The following CCDC66 variants were observed in gnomAD, a reference collection of about 807,000 sequenced individuals.
CCDC66 encodes coiled-coil domain-containing protein 66.
A neutral mutation model predicts 128.3 loss-of-function variants in CCDC66; 133 were observed. The observed-to-expected ratio is 1.04, with a 90% CI of 0.90 to 1.20. The LOEUF is 1.20. CCDC66 is among the 50% of genes most tolerant of loss of function. The probability of loss-of-function intolerance (pLI) is 0.00; values close to 1 mark genes in which losing one functional copy is unlikely to be tolerated. For missense variants in CCDC66, 1,126 were observed against 1,075.5 expected (o/e 1.05, Z -0.66); for synonymous variants, 387 against 357.0 (o/e 1.08, Z -0.95).
chr3:56,579,432 T>G (rs2067949972), intron 7 of CCDC66, among the ~76,000 whole-genome samples: 1 of 151,840 alleles, frequency 6.6e-6, no homozygotes. Flanking sequence ...TGATCTTAGT[T>G]ATTTCTTGCC....
At chr3:56,580,295 G>C (rs1478831134) in intron 7 of CCDC66, among the ~76,000 whole-genome samples, 1 of 151,564 alleles carries the variant, frequency 6.6e-6, no homozygotes, top group Non-Finnish European at 1.5e-5. Context: ...TTTTGAGCCT[G>C]TGTGTGTCTC....
In CCDC66 at chr3:56,563,724, CA is replaced by C; in HGVS notation, c.148del (p.Thr50LeufsTer5). Reference protein sequence around the residue: ...KAKIAKCPLRTKTGHILKSTQ... With the variant: ...KAKIAKCPLRXKTGHILKSTQ... ...AAGATTGCAAAATGTCCTTTAAGAA[CA>C]AAAACTGGGCACATTCTAAAATCAA... On this transcript the variant is annotated frameshift_variant, in exon 4 of 18. Transcript: ENST00000394672. LOFTEE classifies it high-confidence loss of function. The C allele has an allele frequency of 6.4e-7, 1 of 1,550,978 alleles. No individual in the cohort carries two copies. The highest frequency in any genetic ancestry group is 8.7e-7 in the Non-Finnish European group (1 of 1,146,768).
At chr3:56,618,468 A>G (rs2075829251) in intron 15 of CCDC66, 1 of 400,052 alleles carries the variant, frequency 2.5e-6, no homozygotes. Context: ...AGTGATTTTG[A>G]TATTCCAGGT....
At chr3:56,580,432 G>A (rs2068150197) in intron 7 of CCDC66, among the ~76,000 whole-genome samples, 1 of 151,824 alleles carries the variant, frequency 6.6e-6, no homozygotes, top group South Asian at 2.1e-4. Context: ...ATTGTTCTGT[G>A]TGAATTTGAT....
intron 7 of CCDC66, among the ~76,000 whole-genome samples, chr3:56,581,599 G>A (rs1297103229): frequency 6.6e-6 from 1 of 151,718 alleles, no homozygotes; most frequent in Non-Finnish European, 1.5e-5. Flanking sequence ...TTTTGGTGTG[G>A]ATGTCCTTTC....
chr3:56,592,922 T>C (rs752243518), intron 7 of CCDC66, 48 bp from the exon 8 acceptor site: 3 of 1,586,850 alleles, frequency 1.9e-6, no homozygotes, highest in South Asian at 1.2e-5. Context: ...ATTAAGTGAT[T>C]AGAAAAAGAG....
chr3:56,609,596 C>T (rs1242758454), intron 10 of CCDC66, among the ~76,000 whole-genome samples: 1 of 152,176 alleles, frequency 6.6e-6, no homozygotes, highest in East Asian at 1.9e-4. Flanking sequence ...ATGTGAGGTA[C>T]TGTTGCATTC....
At position 56,579,763 on chromosome 3, in the gene CCDC66, A is replaced by G. The variant is rs1364587283; in HGVS notation, c.936+8461A>G. Among the ~76,000 whole-genome samples, 4 of 151,934 alleles carry G rather than the reference A, an allele frequency of 2.6e-5. No individual in the cohort carries two copies. The East Asian group carries it at 7.9e-4, about 30-fold the overall frequency. ...CTGAGTTCTAGTTTGATTGCACTGTAGTCTGAGAGATAGTTTGTTAAAATT... is the reference window on the plus strand; with the variant it reads ...CTGAGTTCTAGTTTGATTGCACTGTGGTCTGAGAGATAGTTTGTTAAAATT... On this transcript the variant is annotated intron_variant, in intron 7 of 17. Coordinates refer to ENST00000394672, the MANE Select transcript of CCDC66 (RefSeq NM_001141947.3).
intron 11 of CCDC66, among the ~76,000 whole-genome samples, chr3:56,614,765 C>T (rs1347068154): frequency 6.6e-6 from 1 of 152,144 alleles, no homozygotes; most frequent in Non-Finnish European, 1.5e-5. Flanking sequence ...GCCAGTTACC[C>T]CTAGGTAACA....
rs747535238 is a variant in CCDC66, at chr3:56,593,550, T to C, written c.1128T>C (p.Ser376=). The C allele has an allele frequency of 6.2e-7, 1 of 1,614,150 alleles. No homozygotes were observed. Among genetic ancestry groups the C allele is most frequent in the Non-Finnish European group, 8.5e-7 (1 of 1,179,998 alleles). Residue 376 remains serine, a synonymous_variant, in exon 9 of 18, where the codon TCT becomes TCC. Transcript: ENST00000394672. The part of the protein sequence containing the change: ...HFDSLKSYPG[S]QSQLFSQSTH... ...ATTCATTAAAGAGTTATCCTGGTTC[T>C]CAATCTCAGCTGTTCTCTCAGTCAA...
intron 7 of CCDC66, among the ~76,000 whole-genome samples, chr3:56,577,190 T>C (rs965907983): frequency 1.3e-5 from 2 of 151,952 alleles, no homozygotes; most frequent in Non-Finnish European, 2.9e-5. Flanking sequence ...AGCATTTTTT[T>C]CATGTGTCTG....
intron 7 of CCDC66, among the ~76,000 whole-genome samples, chr3:56,581,305 G>A (rs2068326553): frequency 6.6e-6 from 1 of 151,724 alleles, no homozygotes; most frequent in African/African-American, 2.4e-5. Flanking sequence ...TTAGCCATTT[G>A]TCTAATCTTT....
At chr3:56,568,205 T>A (rs1286971339) in intron 6 of CCDC66, among the ~76,000 whole-genome samples, 1 of 152,186 alleles carries the variant, frequency 6.6e-6, no homozygotes, top group Non-Finnish European at 1.5e-5. Flanking sequence ...GCAAGGCTAC[T>A]TCTGTTTGTA....
intron 10 of CCDC66, among the ~76,000 whole-genome samples, chr3:56,597,245 T>C (rs282526): frequency 0.76 from 116,176 of 151,940 alleles, 45,482 homozygotes; most frequent in Non-Finnish European, 0.86. Flanking sequence ...CCTATTCTGT[T>C]CCATTGATCT....
rs1371227226 is a variant in CCDC66, at chr3:56,617,258, C to T, written c.1990C>T (p.Gln664Ter). ...CAAGAAAAACAAGCAAGAACTAACT[C>T]AGGATAAAGGAGCCAGCTTAGAAAA... ...STKKNKQELT[Q>*]DKGASLEKEN... Residue 664 changes from glutamine to a stop codon, truncating the protein, a stop_gained, in exon 14 of 18, where the codon CAG (glutamine) becomes TAG (stop). Transcript: ENST00000394672. LOFTEE classifies it high-confidence loss of function. 8 of 1,613,604 alleles carry T rather than the reference C, an allele frequency of 5.0e-6. No individual in the cohort carries two copies. Among genetic ancestry groups the T allele is most frequent in the African/African-American group, 2.7e-5 (2 of 74,822 alleles).
chr3:56,563,638 T>G, intron 3 of CCDC66, 46 bp from the exon 4 acceptor site: 3 of 1,414,224 alleles, frequency 2.1e-6, no homozygotes, highest in Admixed American at 2.7e-5. Flanking sequence ...TAATTGGTGA[T>G]TTTTCTTGGA....
intron 14 of CCDC66, 98 bp downstream of exon 14, chr3:56,617,703 A>G: frequency 7.0e-7 from 1 of 1,431,384 alleles, no homozygotes; most frequent in Non-Finnish European, 9.4e-7. Flanking sequence ...GATCTGTTTC[A>G]GTTTACATTA....
chr3:56,610,332 ATTTC>A (rs1187955955), intron 10 of CCDC66, among the ~76,000 whole-genome samples: 1 of 152,108 alleles, frequency 6.6e-6, no homozygotes, highest in African/African-American at 2.4e-5. Flanking sequence ...TGAGCTCTAA[ATTTC>A]TTTCTTCTCC....
rs370165016 is a variant in CCDC66, at chr3:56,619,388, TCAAA to T, written c.2499_2502del (p.Thr834AsnfsTer68). 3.7e-5 allele frequency: 59 copies of T among 1,614,006 alleles called. No homozygotes were observed. In the East Asian group the frequency reaches 1.1e-3, roughly 31 times the overall value. On this transcript the variant is annotated frameshift_variant, in exon 16 of 18. Transcript: ENST00000394672. LOFTEE classifies it high-confidence loss of function. The stretch of plus-strand genomic sequence containing the variant: ...GAGAGAATTTGATCTCAGGAAGTAA[TCAAA>T]CAGAATTATCATCTGGGATTTCTGA...
Sources: gnomAD v4.1 joint callset for allele counts (sites outside exome capture counted in the v4.1 genomes callset) on GRCh38, gnomAD v4.1.1 for gene constraint, MANE v1.5 for transcripts, NCBI Gene and HGNC (gene_info 2026-07-23, HGNC 2026-07-21) for gene names.